The following NAA11 variants were observed in gnomAD, a reference collection of about 807,000 sequenced individuals.
NAA11 encodes N-alpha-acetyltransferase 11, NatA catalytic subunit, also known as N-alpha-acetyltransferase 11.
Under a neutral mutation model 16.1 loss-of-function variants are expected in NAA11, and 15 were observed. That is an observed-to-expected ratio of 0.93 (90% CI 0.62 to 1.44). NAA11 has a LOEUF of 1.44. NAA11 is among the 40% of genes most tolerant of loss of function. The pLI is 0.00. For synonymous variants in NAA11, 122 were observed against 112.4 expected (o/e 1.09, Z -0.54); for missense variants, 298 against 291.3 (o/e 1.02, Z -0.17).
At chr4:79,155,513 C>G in the NAA11 span, among the ~76,000 whole-genome samples, 9 of 152,260 alleles carry the variant, frequency 5.9e-5, no homozygotes, top group African/African-American at 2.2e-4. Context: ...TATCCATGGT[C>G]ATGGTAGAAA....
chr4:79,208,246 CT>C, the NAA11 span, among the ~76,000 whole-genome samples: 1 of 152,094 alleles, frequency 6.6e-6, no homozygotes, highest in African/African-American at 2.4e-5. Flanking sequence ...CATTTAAACT[CT>C]ATAAGCCTCA....
chr4:79,242,284 C>T (rs1721715728), intron 2 of NAA11, among the ~76,000 whole-genome samples: 1 of 152,122 alleles, frequency 6.6e-6, no homozygotes, highest in African/African-American at 2.4e-5. Flanking sequence ...CTAGTTCCAG[C>T]TCTAGTTCCC....
At chr4:79,324,530 G>C (rs1261456515) in intron 1 of NAA11, among the ~76,000 whole-genome samples, 1 of 152,122 alleles carries the variant, frequency 6.6e-6, no homozygotes, top group Admixed American at 6.5e-5. Context: ...TCTCATTCTG[G>C]ATTTGGCTGT....
intron 1 of NAA11, among the ~76,000 whole-genome samples, chr4:79,301,616 T>C (rs1044929270): frequency 3.3e-5 from 5 of 152,088 alleles, no homozygotes; most frequent in Non-Finnish European, 7.4e-5. Context: ...AAGAAGAAAA[T>C]ACAATAAGTT....
chr4:79,214,937 C>G, the NAA11 span, among the ~76,000 whole-genome samples: 1 of 152,198 alleles, frequency 6.6e-6, no homozygotes, highest in Non-Finnish European at 1.5e-5. Flanking sequence ...CTTAGACTTC[C>G]TACTCTCCAG....
At chr4:79,287,303 T>C (rs1239498800) in intron 2 of NAA11, among the ~76,000 whole-genome samples, 2 of 152,110 alleles carry the variant, frequency 1.3e-5, no homozygotes, top group Non-Finnish European at 2.9e-5. Flanking sequence ...GACTCATTAG[T>C]ATAGTTCCAG....
intron 2 of NAA11, among the ~76,000 whole-genome samples, chr4:79,248,611 C>T (rs549580957): frequency 2.6e-5 from 4 of 152,338 alleles, no homozygotes; most frequent in East Asian, 1.9e-4. Context: ...TTGATACCAC[C>T]GGCACAAACC....
chr4:79,220,995 C>G (rs530488540), downstream of NAA11, among the ~76,000 whole-genome samples: 1 of 151,834 alleles, frequency 6.6e-6, no homozygotes, highest in East Asian at 1.9e-4. Context: ...ATTGATTCTT[C>G]CTACCCATGA....
the NAA11 span, among the ~76,000 whole-genome samples, chr4:79,189,351 T>C: frequency 6.6e-6 from 1 of 151,926 alleles, no homozygotes; most frequent in Non-Finnish European, 1.5e-5. Context: ...GTTGGGGTGT[T>C]TCTAAAAGGG....
At chr4:79,314,263 TAAAC>T (rs1366256163), downstream of NAA11, among the ~76,000 whole-genome samples, 1 of 152,212 alleles carries the variant, frequency 6.6e-6, no homozygotes, top group African/African-American at 2.4e-5. Context: ...TGTTTTATAA[TAAAC>T]AAAATTTTGT....
chr4:79,241,396 G>A, intron 2 of NAA11, among the ~76,000 whole-genome samples: 1 of 152,182 alleles, frequency 6.6e-6, no homozygotes, highest in Non-Finnish European at 1.5e-5. Context: ...AAGTTTTGGG[G>A]AAGTTAAAGG....
the NAA11 span, among the ~76,000 whole-genome samples, chr4:79,203,257 A>T: frequency 6.6e-6 from 1 of 151,786 alleles, no homozygotes; most frequent in East Asian, 1.9e-4. Flanking sequence ...CATTAAGGGT[A>T]GTCAAATGAA....
chr4:79,174,118 C>T, the NAA11 span, among the ~76,000 whole-genome samples: 2 of 152,064 alleles, frequency 1.3e-5, no homozygotes, highest in Non-Finnish European at 2.9e-5. Context: ...ATGTGAAGAA[C>T]AAATTGTTTG....
chr4:79,244,827 C>G (rs528824429), intron 2 of NAA11: 1 of 154,290 alleles, frequency 6.5e-6, no homozygotes, highest in African/African-American at 2.4e-5. Flanking sequence ...CGGGGTTTCG[C>G]GGTGTTGGCT....
the NAA11 span, among the ~76,000 whole-genome samples, chr4:79,178,207 T>C: frequency 6.6e-6 from 1 of 152,168 alleles, no homozygotes; most frequent in East Asian, 1.9e-4. Context: ...CCATATTTAA[T>C]GGTAAGGCAT....
At chr4:79,257,015 T>C (rs1722129649) in intron 2 of NAA11, among the ~76,000 whole-genome samples, 1 of 152,166 alleles carries the variant, frequency 6.6e-6, no homozygotes, top group Non-Finnish European at 1.5e-5. Context: ...ATATACATAT[T>C]TCATTAACCC....
chr4:79,282,213 G>C (rs1043467136), intron 2 of NAA11, among the ~76,000 whole-genome samples: 8 of 152,092 alleles, frequency 5.3e-5, no homozygotes, highest in Non-Finnish European at 1.2e-4. Context: ...AGTGGGAAAA[G>C]AGTATAAAGA....
intron 2 of NAA11, among the ~76,000 whole-genome samples, chr4:79,281,816 G>T (rs944347411): frequency 6.6e-6 from 1 of 152,056 alleles, no homozygotes; most frequent in Non-Finnish European, 1.5e-5. Context: ...AGCCAGTAAA[G>T]CTCCTTCCTC....
At chr4:79,209,648 AT>A in the NAA11 span, among the ~76,000 whole-genome samples, 1 of 152,156 alleles carries the variant, frequency 6.6e-6, no homozygotes, top group Non-Finnish European at 1.5e-5. Context: ...TTTTTTTACT[AT>A]TTTAATGCTT....
Sources: allele counts gnomAD v4.1 joint callset (sites outside exome capture counted in the v4.1 genomes callset), GRCh38; gene constraint gnomAD v4.1.1; transcripts MANE v1.5; gene names NCBI Gene and HGNC (gene_info 2026-07-23, HGNC 2026-07-21).